The following NIM1K variants were observed in gnomAD, a reference collection of about 807,000 sequenced individuals.
The protein encoded by NIM1K is NIM1 serine/threonine protein kinase, also known as serine/threonine-protein kinase NIM1.
A neutral mutation model predicts 37.1 loss-of-function variants in NIM1K; 35 were observed. The observed-to-expected ratio is 0.94, with a 90% CI of 0.72 to 1.25. NIM1K has a LOEUF of 1.25. Ranked by LOEUF, NIM1K falls within the 50% of genes most tolerant of loss-of-function variation. The pLI is 0.00. For missense variants in NIM1K, 564 were observed against 548.0 expected (o/e 1.03, Z -0.29); for synonymous variants, 234 against 206.6 (o/e 1.13, Z -1.14).
chr5:43,232,975 A>C (rs1752564015), intron 1 of NIM1K: 1 of 1,145,220 alleles, frequency 8.7e-7, no homozygotes, highest in Non-Finnish European at 1.3e-6. Context: ...CAGGTCTAGA[A>C]ACACTGCCCT....
intron 1 of NIM1K, among the ~76,000 whole-genome samples, chr5:43,213,392 C>A (rs752632958): frequency 4.7e-5 from 7 of 150,176 alleles, no homozygotes; most frequent in Admixed American, 6.7e-5. Flanking sequence ...CGCAGCGGCA[C>A]GATCTTGGCT....
At chr5:43,279,859 G>A in intron 3 of NIM1K, 121 bp from the exon 4 acceptor site, 1 of 816,810 alleles carries the variant, frequency 1.2e-6, no homozygotes. Flanking sequence ...CATGACTTAA[G>A]GTGATCCTCA....
intron 1 of NIM1K, among the ~76,000 whole-genome samples, chr5:43,198,195 CTTTCTTTCTTTCTCT>C: frequency 1.9e-5 from 1 of 53,548 alleles, no homozygotes; most frequent in African/African-American, 7.3e-5. Context: ...TTCTTTCTTT[CTTTCTTTCTTTCTCT>C]TTCTTTCTTT....
intron 1 of NIM1K, chr5:43,232,265 A>G: frequency 9.1e-7 from 1 of 1,101,320 alleles, no homozygotes; most frequent in Non-Finnish European, 1.4e-6. Flanking sequence ...CTCACATTTC[A>G]TCATCTGGTT....
chr5:43,208,690 G>A (rs1161705354), intron 1 of NIM1K, among the ~76,000 whole-genome samples: 1 of 152,168 alleles, frequency 6.6e-6, no homozygotes, highest in African/African-American at 2.4e-5. Flanking sequence ...GGGCATGAAA[G>A]GACATGTTAT....
chr5:43,222,423 A>G (rs534372888), intron 1 of NIM1K, among the ~76,000 whole-genome samples: 14 of 152,258 alleles, frequency 9.2e-5, no homozygotes, highest in Admixed American at 5.2e-4. Context: ...TCACCCCTGA[A>G]ACATTTATCA....
intron 2 of NIM1K, among the ~76,000 whole-genome samples, chr5:43,259,480 G>A (rs1189374674): frequency 2.0e-5 from 3 of 152,168 alleles, no homozygotes; most frequent in African/African-American, 7.2e-5. Context: ...CATTCTGGCT[G>A]GGGTAAAGCG....
intron 3 of NIM1K, among the ~76,000 whole-genome samples, chr5:43,278,302 C>T (rs568103075): frequency 6.6e-6 from 1 of 152,304 alleles, no homozygotes; most frequent in African/African-American, 2.4e-5. Flanking sequence ...GCCTCGGTCT[C>T]CCAAAGTAGT....
chr5:43,244,372 G>A (rs1752747313), intron 1 of NIM1K, among the ~76,000 whole-genome samples: 1 of 152,184 alleles, frequency 6.6e-6, no homozygotes, highest in African/African-American at 2.4e-5. Context: ...CACTGAGATG[G>A]GACATTTTGG....
chr5:43,215,372 T>C (rs1417296317), intron 1 of NIM1K, among the ~76,000 whole-genome samples: 1 of 152,202 alleles, frequency 6.6e-6, no homozygotes, highest in Non-Finnish European at 1.5e-5. Flanking sequence ...AGGATGAAGG[T>C]CTTCTGTGCC....
intron 1 of NIM1K, chr5:43,206,855 A>G: frequency 1.3e-6 from 1 of 768,038 alleles, no homozygotes; most frequent in Admixed American, 1.7e-5. Flanking sequence ...ATTTAGCAAC[A>G]TGCACAAACA....
chr5:43,207,722 T>G (rs1292918794), intron 1 of NIM1K: 1 of 488,828 alleles, frequency 2.0e-6, no homozygotes, highest in Non-Finnish European at 4.0e-6. Context: ...GAAGAATTGT[T>G]CTGCGGAATT....
chr5:43,243,254 T>C (rs187004234), intron 1 of NIM1K, among the ~76,000 whole-genome samples: 36 of 152,328 alleles, frequency 2.4e-4, no homozygotes, highest in Admixed American at 1.2e-3. Context: ...GGAAAATCTA[T>C]ATTTTTCTTT....
chr5:43,198,181 TTC>T (rs749323020), intron 1 of NIM1K, among the ~76,000 whole-genome samples: 5 of 59,848 alleles, frequency 8.4e-5, no homozygotes, highest in East Asian at 3.8e-4. Flanking sequence ...CTTTCTTTCT[TTC>T]TTTCTTTCTT....
intron 1 of NIM1K, chr5:43,207,572 A>C: frequency 1.5e-6 from 1 of 685,432 alleles, no homozygotes; most frequent in Non-Finnish European, 2.8e-6. Context: ...GGAGTTTCTC[A>C]GACTGAATCT....
chr5:43,258,118 T>G (rs1231116781), intron 2 of NIM1K, among the ~76,000 whole-genome samples: 3 of 152,186 alleles, frequency 2.0e-5, no homozygotes, highest in Non-Finnish European at 4.4e-5. Flanking sequence ...CTCTACATCC[T>G]GAAGTGTAAC....
At chr5:43,213,912 A>G (rs899674270) in intron 1 of NIM1K, among the ~76,000 whole-genome samples, 1 of 151,342 alleles carries the variant, frequency 6.6e-6, no homozygotes, top group Non-Finnish European at 1.5e-5. Context: ...TACAGGCTGG[A>G]GCCACCATGC....
intron 1 of NIM1K, among the ~76,000 whole-genome samples, chr5:43,213,022 C>T (rs540946187): frequency 6.6e-6 from 1 of 152,162 alleles, no homozygotes; most frequent in Non-Finnish European, 1.5e-5. Flanking sequence ...TAAGCATCCA[C>T]CTTTGCCAGA....
intron 2 of NIM1K, among the ~76,000 whole-genome samples, chr5:43,263,550 C>T (rs139650516): frequency 9.7e-5 from 14 of 144,722 alleles, no homozygotes; most frequent in African/African-American, 2.8e-4. Flanking sequence ...TTGATCTTTT[C>T]AAAAAAAAAA....
Sources: gnomAD v4.1 joint callset for allele counts (sites outside exome capture counted in the v4.1 genomes callset) on GRCh38, gnomAD v4.1.1 for gene constraint, MANE v1.5 for transcripts, NCBI Gene and HGNC (gene_info 2026-07-23, HGNC 2026-07-21) for gene names.